MADCAM1: variants seen among roughly 807,000 people sequenced by gnomAD.
The protein encoded by MADCAM1 is mucosal vascular addressin cell adhesion molecule 1.
Under a neutral mutation model 26.1 loss-of-function variants are expected in MADCAM1, and 19 were observed. The observed-to-expected ratio is 0.73, with a 90% CI of 0.51 to 1.07. The LOEUF (loss-of-function observed/expected upper bound fraction) is 1.07. Among genes scored for constraint, MADCAM1 ranks in the 50% least tolerant of loss-of-function variants. The pLI, the probability that MADCAM1 is intolerant of heterozygous loss-of-function variation, is 0.00. For synonymous variants in MADCAM1, 268 were observed against 260.9 expected (o/e 1.03, Z -0.26); for missense variants, 514 against 542.1 (o/e 0.95, Z 0.51).
chr19:500,765 G>A (rs1203318576), intron 3 of MADCAM1, among the ~76,000 whole-genome samples: 1 of 152,174 alleles, frequency 6.6e-6, no homozygotes, highest in Non-Finnish European at 1.5e-5. Context: ...AGCTACTCAG[G>A]AGGCTGAGGC....
chr19:499,966 C>T (rs1395340690), intron 3 of MADCAM1: 1 of 384,756 alleles, frequency 2.6e-6, no homozygotes, highest in Admixed American at 2.9e-5. Flanking sequence ...AAAGCAGAAG[C>T]TGGGAGACCC....
intron 4 of MADCAM1, 131 bp downstream of exon 4, chr19:502,060 C>A: frequency 1.9e-6 from 2 of 1,041,772 alleles, no homozygotes; most frequent in Non-Finnish European, 2.6e-6. Context: ...TCAGTTTCCC[C>A]GTCTGCCCAG....
chr19:505,072 T>G lies in MADCAM1; in HGVS notation c.*107T>G. ...ATTCTACTCAAAGTCATCCCTCTGT[T>G]CACAGAGATGGATGCATGTTCTGAT... On this transcript the variant is annotated 3_prime_UTR_variant, in exon 5 of 5. Transcript: ENST00000215637. 3 of 750,448 alleles carry G rather than the reference T, an allele frequency of 4.0e-6. No individual in the cohort carries two copies. The highest frequency in any genetic ancestry group is 6.3e-6 in the Non-Finnish European group (3 of 479,434). 46.5% of individuals were successfully genotyped at this position (750,448 alleles called of 1,614,324 possible).
At position 501,470 on chromosome 19, in the gene MADCAM1, A is replaced by G. The variant is rs1978325513; in HGVS notation, c.668-199A>G. The G allele has an allele frequency of 8.4e-6, 4 of 473,798 alleles. No homozygotes were observed. The East Asian group carries it at 1.6e-4, about 19-fold the overall frequency. 29.3% of individuals were successfully genotyped at this position (473,798 alleles called of 1,614,324 possible). A position where few individuals can be genotyped will look rare whatever the true frequency, so the allele number is the denominator to read the frequency against. ...ACTGCACTCCAGCCTGGGTAACAAG[A>G]GCAAAACTCTGTCTCAAAAAAAAAA... is the stretch of plus-strand genomic sequence containing the variant. On this transcript the variant is annotated intron_variant, in intron 3 of 4. Coordinates refer to ENST00000215637, the MANE Select transcript of MADCAM1 (RefSeq NM_130760.3).
At chr19:500,143 A>T in intron 3 of MADCAM1, 2 of 456,098 alleles carry the variant, frequency 4.4e-6, no homozygotes, top group Non-Finnish European at 8.8e-6. Flanking sequence ...TTCTCTCTCC[A>T]CGCCAGCCTC....
At chr19:503,303 C>T (rs1387121059) in intron 4 of MADCAM1, among the ~76,000 whole-genome samples, 17 of 145,030 alleles carry the variant, frequency 1.2e-4, no homozygotes, top group South Asian at 4.4e-4. Context: ...AAAAATGGGC[C>T]GGGCACGGTG....
At chr19:499,301 C>T (rs536841749) in intron 3 of MADCAM1, 13 of 458,628 alleles carry the variant, frequency 2.8e-5, no homozygotes, top group African/African-American at 1.2e-4. Context: ...TCCTCCTCCC[C>T]CTCAGGTCTC....
intron 3 of MADCAM1, among the ~76,000 whole-genome samples, chr19:500,313 G>A (rs1447104784): frequency 6.6e-6 from 1 of 152,200 alleles, no homozygotes; most frequent in Non-Finnish European, 1.5e-5. Context: ...GTGAGTGGGG[G>A]ACCTGGAATG....
In MADCAM1 at chr19:501,719, T is replaced by C. The variant is rs62130832; in HGVS notation, c.718T>C (p.Ser240Pro). 110,378 of 849,202 alleles carry C rather than the reference T, an allele frequency of 0.13. 1,543 individuals carry two copies. The highest frequency in any genetic ancestry group is 0.24 in the South Asian group (11,038 of 46,850). The allele number at this position is 849,202 out of a possible 1,614,324, so 52.6% of individuals were successfully genotyped here. Residue 240 changes from serine (S) to proline (P), a missense_variant, in exon 4 of 5, where the codon TCT (serine) becomes CCT (proline). Ser to Pro is a moderately conservative substitution (Grantham distance 74, BLOSUM62 -1). This residue lies in a region of MADCAM1 where 45 missense variants were observed against 91.8 expected (regional missense o/e 0.49). Coordinates refer to ENST00000215637, the MANE Select transcript of MADCAM1 (RefSeq NM_130760.3). ...PEPPDTTSPE[S>P]PDTTSPESPD... ...GCCTCCCGACACCACCTCCCCGGAG[T>C]CTCCCGACACCACCTCCCCGGAGTC... is the stretch of plus-strand genomic sequence containing the variant.
chr19:503,264 G>GAGACA (rs1978425350), intron 4 of MADCAM1, among the ~76,000 whole-genome samples: 5 of 148,980 alleles, frequency 3.4e-5, no homozygotes, highest in Admixed American at 6.8e-5. Flanking sequence ...TCCAGCCTGG[G>GAGACA]GCACAGAGCG....
chr19:504,685 T>G (rs1978521967), intron 4 of MADCAM1, 60 bp from the exon 5 acceptor site: 1 of 1,274,430 alleles, frequency 7.8e-7, no homozygotes, highest in African/African-American at 1.5e-5. Flanking sequence ...GGCTCCTCCC[T>G]TCCCAAGCCT....
chr19:498,678 G>A lies in MADCAM1; in HGVS notation c.520G>A (p.Glu174Lys), dbSNP rs745716714. The part of the protein sequence containing the change: ...LGPEVQEEEE[E>K]PQGDEDVLFR... ...CCCGGAGGTGCAGGAGGAGGAGGAG[G>A]AGCCCCAGGGGGACGAGGACGTGCT... Residue 174 changes from glutamate (E) to lysine (K), a missense_variant, in exon 3 of 5, where the codon GAG (glutamate) becomes AAG (lysine). Physicochemically the swap from Glu to Lys is moderately conservative, Grantham distance 56. Coordinates refer to ENST00000215637, the MANE Select transcript of MADCAM1 (RefSeq NM_130760.3). 4 of 1,447,636 alleles carry A rather than the reference G, an allele frequency of 2.8e-6. No homozygotes were observed. The highest frequency in any genetic ancestry group is 3.6e-6 in the Non-Finnish European group (4 of 1,104,300). 89.7% of individuals were successfully genotyped at this position (1,447,636 alleles called of 1,614,324 possible).
At chr19:502,052 AGTTTCCCCGTCTGCCCAGCCTCG>A (rs1568318257) in intron 4 of MADCAM1, 123 bp downstream of exon 4, 8 of 1,073,444 alleles carry the variant, frequency 7.5e-6, no homozygotes, top group Middle Eastern at 3.1e-4. Flanking sequence ...GCCCAGCCTC[AGTTTCCCCGTCTGCCCAGCCTCG>A]GTTTCCCCAT....
In MADCAM1 at chr19:498,710, G is replaced by A. The variant is rs1292102191; in HGVS notation, c.552G>A (p.Arg184=). ...EPQGDEDVLF[R]VTERWRLPPL... The stretch of plus-strand genomic sequence containing the variant: ...AGGGGGACGAGGACGTGCTGTTCAG[G>A]GTGACAGAGCGCTGGCGGCTGCCGC... Residue 184 remains arginine, a synonymous_variant, in exon 3 of 5, where the codon AGG becomes AGA. Transcript: ENST00000215637. 3 of 1,460,648 alleles carry A rather than the reference G, an allele frequency of 2.1e-6. No homozygotes were observed. The highest frequency in any genetic ancestry group is 2.5e-5 in the East Asian group (1 of 39,924). The allele number at this position is 1,460,648 out of a possible 1,614,324, so 90.5% of individuals were successfully genotyped here. A position where few individuals can be genotyped will look rare whatever the true frequency, so the allele number is the denominator to read the frequency against.
intron 1 of MADCAM1, 61 bp downstream of exon 1, chr19:496,612 A>C: frequency 1.7e-6 from 1 of 574,816 alleles, no homozygotes; most frequent in African/African-American, 4.7e-5. Flanking sequence ...AGGAGAGAGG[A>C]GGGGGCTCAG....
intron 3 of MADCAM1, among the ~76,000 whole-genome samples, chr19:501,210 G>T (rs1978321968): frequency 6.6e-6 from 1 of 150,836 alleles, no homozygotes; most frequent in Admixed American, 6.6e-5. Context: ...ACCAGGCCGG[G>T]CGTGGTGGCT....
chr19:497,840 C>T lies in MADCAM1; in HGVS notation c.60C>T (p.Ser20=). The change falls in exon 2 of 5, where the codon TCC becomes TCT. Residue 20 remains serine, a synonymous_variant. Transcript: ENST00000215637. ...GAGCCGCGGTCGCCGCAGGCCAGTC[C>T]CTCCAGGTGAAGCCCCTGCAGGTGG... ...AGLLGLLLGQ[S]LQVKPLQVEP... is the part of the protein sequence containing the mutation. 7.7e-7 allele frequency: 1 copy of T among 1,306,158 alleles called. No individual in the cohort carries two copies. The highest frequency in any genetic ancestry group is 9.7e-7 in the Non-Finnish European group (1 of 1,032,702). The allele number at this position is 1,306,158 out of a possible 1,614,324, so 80.9% of individuals were successfully genotyped here. A position where few individuals can be genotyped will look rare whatever the true frequency, so the allele number is the denominator to read the frequency against.
chr19:503,064 G>C (rs1317307263), intron 4 of MADCAM1, among the ~76,000 whole-genome samples: 1 of 152,228 alleles, frequency 6.6e-6, no homozygotes, highest in Non-Finnish European at 1.5e-5. Context: ...AGAACTAATA[G>C]CTGATAGGAG....
intron 3 of MADCAM1, chr19:499,147 C>A: frequency 1.7e-6 from 1 of 574,776 alleles, no homozygotes; most frequent in Non-Finnish European, 3.3e-6. Context: ...CCTTTCTCCC[C>A]CTCCTCATTC....
Sources: gnomAD v4.1 joint callset for allele counts (sites outside exome capture counted in the v4.1 genomes callset) on GRCh38, gnomAD v4.1.1 for gene constraint, gnomAD v4.1.1 regional missense constraint, MANE v1.5 for transcripts, NCBI Gene and HGNC (gene_info 2026-07-23, HGNC 2026-07-21) for gene names.